The following ERN1 variants were observed in gnomAD, a reference collection of about 807,000 sequenced individuals.
The protein encoded by ERN1 is serine/threonine-protein kinase/endoribonuclease IRE1.
A neutral mutation model predicts 113.1 loss-of-function variants in ERN1; 39 were observed. The observed-to-expected ratio is 0.34, with a 90% CI of 0.27 to 0.45. The LOEUF (loss-of-function observed/expected upper bound fraction) is 0.45, where lower values mean the gene tolerates loss of function less well. Among genes scored for constraint, ERN1 ranks in the 20% least tolerant of loss-of-function variants. The pLI, the probability that ERN1 is intolerant of heterozygous loss-of-function variation, is 1.00. For missense variants in ERN1, 976 were observed against 1,274.8 expected (o/e 0.77, Z 3.57); for synonymous variants, 507 against 515.9 (o/e 0.98, Z 0.23).
rs564439375 is a variant in ERN1, at chr17:64,054,661, G to T, written c.1763+77C>A. 363 of 1,237,724 alleles carry T rather than the reference G, an allele frequency of 2.9e-4. 2 individuals carry two copies. The African/African-American group carries it at 4.6e-3, about 16-fold the overall frequency. The allele number at this position is 1,237,724 out of a possible 1,614,324, so 76.7% of individuals were successfully genotyped here. A position where few individuals can be genotyped will look rare whatever the true frequency, so the allele number is the denominator to read the frequency against. ...CTGCTTTGACCCTGCTGTGCTCTGA[G>T]CCTGGCACCAGGCTCGCAACCTGAC... On this transcript the variant is annotated intron_variant, in intron 14 of 21. Transcript: ENST00000433197. The surrounding 1 kb of genome is among the most constrained non-coding windows in gnomAD (Gnocchi z 4.9).
chr17:64,121,120 G>A (rs1023758468), intron 1 of ERN1, among the ~76,000 whole-genome samples: 3 of 152,122 alleles, frequency 2.0e-5, no homozygotes, highest in African/African-American at 7.2e-5. Flanking sequence ...TCTCCTCTGA[G>A]AGCTACCTAA....
At chr17:64,104,645 C>G (rs1056182144) in intron 1 of ERN1, among the ~76,000 whole-genome samples, 5 of 152,126 alleles carry the variant, frequency 3.3e-5, no homozygotes, top group Non-Finnish European at 5.9e-5. Flanking sequence ...ATAGTGAAAC[C>G]CTGTCTCTAC....
In ERN1 at chr17:64,054,893, C is replaced by T; in HGVS notation, c.1673-65G>A. On this transcript the variant is annotated intron_variant, in intron 13 of 21. Coordinates refer to ENST00000433197, the MANE Select transcript of ERN1 (RefSeq NM_001433.5). The surrounding 1 kb of genome is among the most constrained non-coding windows in gnomAD (Gnocchi z 4.9). ...ATCACCTAAAGAACCTTGAGGTTAA[C>T]ATAGTGACAAGCTTCCTGACCTCAG... 1 of 1,223,358 alleles carries T rather than the reference C, an allele frequency of 8.2e-7. No individual in the cohort carries two copies. Among genetic ancestry groups the T allele is most frequent in the Non-Finnish European group, 1.2e-6 (1 of 858,282 alleles). The allele number at this position is 1,223,358 out of a possible 1,614,324, so 75.8% of individuals were successfully genotyped here. A position where few individuals can be genotyped will look rare whatever the true frequency, so the allele number is the denominator to read the frequency against.
intron 1 of ERN1, among the ~76,000 whole-genome samples, chr17:64,117,157 A>G (rs1380746771): frequency 1.3e-5 from 2 of 151,260 alleles, no homozygotes; most frequent in Non-Finnish European, 3.0e-5. Flanking sequence ...AAAATCAACA[A>G]TGTGGCCAGG....
At chr17:64,053,194 CG>C (rs1912743105) in intron 16 of ERN1, 77 bp downstream of exon 16, 11 of 1,233,570 alleles carry the variant, frequency 8.9e-6, no homozygotes, top group Non-Finnish European at 1.2e-5. Context: ...AAGGCCCACC[CG>C]AGCTACTGGT....
chr17:64,096,110 T>C (rs542649845), intron 2 of ERN1, among the ~76,000 whole-genome samples: 79 of 152,190 alleles, frequency 5.2e-4, no homozygotes, highest in Admixed American at 1.4e-3. Context: ...AACCCCCAGG[T>C]TGTGGACCCA....
Position 64,053,295 on chromosome 17 carries a change from G to A in ERN1, c.2030C>T (p.Ala677Val). 1 of 1,610,246 alleles carries A rather than the reference G, an allele frequency of 6.2e-7. No homozygotes were observed. Among genetic ancestry groups the A allele is most frequent in the Non-Finnish European group, 8.5e-7 (1 of 1,178,890 alleles). ...ACCGATGTTGAGGGAGTGGAGGTGG[G>A]CCAGGCCCGAGGTGGTCTGCTGCAG... ...TLLQQTTSGL[A>V]HLHSLNIVHR... The change falls in exon 16 of 22, where the codon GCC (alanine) becomes GTC (valine). Residue 677 changes from alanine (A) to valine (V), a missense_variant. Physicochemically the swap from Ala to Val is moderately conservative, Grantham distance 64 (BLOSUM62 0). Around this residue, in one of 5 missense-constraint regions of ERN1, gnomAD observed 297 missense variants for 457.8 expected, o/e 0.65. Coordinates refer to ENST00000433197, the MANE Select transcript of ERN1 (RefSeq NM_001433.5).
rs186925727 is a variant in ERN1 at position 64,126,923 on chromosome 17, A to T, written c.54+3053T>A. Among the ~76,000 whole-genome samples the T allele has an allele frequency of 2.6e-3, 396 of 150,458 alleles. 2 individuals carry two copies. Among genetic ancestry groups the T allele is most frequent in the Admixed American group, 5.1e-3 (77 of 15,170 alleles). On this transcript the variant is annotated intron_variant, in intron 1 of 21. Coordinates refer to ENST00000433197, the MANE Select transcript of ERN1 (RefSeq NM_001433.5). ...AGAAATCTGATATCTTATAGCTTTT[A>T]AAAAAAAAGGTACTTTGCCTCACAT...
In ERN1 at chr17:64,055,799, C is replaced by T. The variant is rs1201245589; in HGVS notation, c.1548G>A (p.Pro516=). ...QDGELLDTSG[P]YSESSGTSSP... is the part of the protein sequence containing the mutation. ...TGCTGGTGCCCGAGCTCTCTGAGTA[C>T]GGGCCAGACGTGTCCAGGAGCTCGC... Residue 516 remains proline, a synonymous_variant, in exon 13 of 22, where the codon CCG becomes CCA. Transcript: ENST00000433197. 31 of 1,586,692 alleles carry T rather than the reference C, an allele frequency of 2.0e-5. No homozygotes were observed. The highest frequency in any genetic ancestry group is 1.7e-4 in the Middle Eastern group (1 of 6,024).
intron 1 of ERN1, among the ~76,000 whole-genome samples, chr17:64,104,995 C>CA (rs1014640649): frequency 1.5e-3 from 220 of 146,748 alleles, no homozygotes; most frequent in Middle Eastern, 6.9e-3. Context: ...CTTATCCCTG[C>CA]AAAAAAAAAG....
rs1028548860 is a variant in ERN1, at chr17:64,075,370, G to T, written c.283-123C>A. 2.2e-5 allele frequency: 18 copies of T among 806,330 alleles called. No individual in the cohort carries two copies. In the South Asian group the frequency reaches 2.8e-4, roughly 12 times the overall value. The allele number at this position is 806,330 out of a possible 1,614,324, so 49.9% of individuals were successfully genotyped here. A position where few individuals can be genotyped will look rare whatever the true frequency, so the allele number is the denominator to read the frequency against. Reference sequence around the variant, plus strand: ...AAAAAGAGAGAAGCACTTTGCAGATGAGAGTTTTCCTAACTGAATACAAAG... The same window carrying T: ...AAAAAGAGAGAAGCACTTTGCAGATTAGAGTTTTCCTAACTGAATACAAAG... On this transcript the variant is annotated intron_variant, in intron 4 of 21. Transcript: ENST00000433197.
chr17:64,109,423 C>A (rs1321250015), intron 1 of ERN1, among the ~76,000 whole-genome samples: 1 of 152,206 alleles, frequency 6.6e-6, no homozygotes, highest in Non-Finnish European at 1.5e-5. Flanking sequence ...AAAAGAAGTA[C>A]TATGAAATAC....
intron 1 of ERN1, among the ~76,000 whole-genome samples, chr17:64,115,490 C>T (rs967694608): frequency 2.0e-5 from 3 of 152,134 alleles, no homozygotes; most frequent in African/African-American, 7.2e-5. Context: ...GTTCCATGGC[C>T]GAACTTCCCG....
At position 64,063,989 on chromosome 17, in the gene ERN1, T is replaced by C. The variant is rs1191420296; in HGVS notation, c.1084A>G (p.Ile362Val). Reference sequence around the variant, plus strand: ...ACTGTGGGAGACCTGCTCTTACCTATCAGAAGCCAGTAATTCCTCAAGTAG... The same window carrying C: ...ACTGTGGGAGACCTGCTCTTACCTACCAGAAGCCAGTAATTCCTCAAGTAG... ...LNYLRNYWLL[I>V]GHHETPLSAS... The change falls in exon 10 of 22, where the codon ATA becomes GTA. Residue 362 changes from isoleucine to valine, a missense_variant. Physicochemically the swap from Ile to Val is conservative, Grantham distance 29. This residue lies in a region of ERN1 where 459 missense variants were observed against 581.2 expected (regional missense o/e 0.79). Transcript: ENST00000433197. The surrounding 1 kb of genome is among the most constrained non-coding windows in gnomAD (Gnocchi z 5.1). The C allele has an allele frequency of 6.2e-7, 1 of 1,613,816 alleles. No individual in the cohort carries two copies. Among genetic ancestry groups the C allele is most frequent in the Non-Finnish European group, 8.5e-7 (1 of 1,179,816 alleles).
At chr17:64,122,297 T>C (rs1432722605) in intron 1 of ERN1, among the ~76,000 whole-genome samples, 1 of 152,124 alleles carries the variant, frequency 6.6e-6, no homozygotes, top group East Asian at 1.9e-4. Flanking sequence ...AGGAGGGTAA[T>C]GCCTGAGAGA....
intron 3 of ERN1, among the ~76,000 whole-genome samples, chr17:64,079,941 T>C (rs1246274402): frequency 6.6e-6 from 1 of 152,164 alleles, no homozygotes; most frequent in Non-Finnish European, 1.5e-5. Flanking sequence ...TGGTATACAC[T>C]ATCCTTGAGT....
Position 64,049,258 on chromosome 17 carries a change from A to T in ERN1, c.2254-56T>A. 1.3e-6 allele frequency: 2 copies of T among 1,482,862 alleles called. No individual in the cohort carries two copies. Among genetic ancestry groups the T allele is most frequent in the South Asian group, 2.6e-5 (2 of 76,418 alleles). 91.9% of individuals were successfully genotyped at this position (1,482,862 alleles called of 1,614,324 possible). On this transcript the variant is annotated intron_variant, in intron 17 of 21. Coordinates refer to ENST00000433197, the MANE Select transcript of ERN1 (RefSeq NM_001433.5). The surrounding 1 kb of genome is among the most constrained non-coding windows in gnomAD (Gnocchi z 4.7). Reference sequence around the variant, plus strand: ...GGGAGCAGAGTTTTCATCCTCACTCACAGTCAGGGAGGGAGGAGCATTGCT... The same window carrying T: ...GGGAGCAGAGTTTTCATCCTCACTCTCAGTCAGGGAGGGAGGAGCATTGCT...
intron 6 of ERN1, among the ~76,000 whole-genome samples, chr17:64,070,673 C>T (rs1042404238): frequency 6.6e-6 from 1 of 152,196 alleles, no homozygotes; most frequent in Non-Finnish European, 1.5e-5. Flanking sequence ...GGACGGTTCT[C>T]TTTTTTCAAA....
At chr17:64,115,453 C>T (rs1352533856) in intron 1 of ERN1, among the ~76,000 whole-genome samples, 2 of 152,150 alleles carry the variant, frequency 1.3e-5, no homozygotes, top group Admixed American at 6.5e-5. Context: ...GCAGGAGAGT[C>T]GTGTAATGCA....
Sources: allele counts gnomAD v4.1 joint callset (sites outside exome capture counted in the v4.1 genomes callset), GRCh38; gene constraint gnomAD v4.1.1; regional missense constraint gnomAD v4.1.1; non-coding constraint Gnocchi (gnomAD v3.1); transcripts MANE v1.5; gene names NCBI Gene and HGNC (gene_info 2026-07-23, HGNC 2026-07-21).